The following YTHDF3 variants were observed in gnomAD, a reference collection of about 807,000 sequenced individuals.
The protein encoded by YTHDF3 is YTH domain-containing family protein 3.
Under a neutral mutation model 52.5 loss-of-function variants are expected in YTHDF3, and 9 were observed. The observed-to-expected ratio is 0.17, with a 90% CI of 0.10 to 0.30. The LOEUF (loss-of-function observed/expected upper bound fraction) is 0.30. Ranked by LOEUF, YTHDF3 falls within the 10% of genes least tolerant of loss-of-function variation. The pLI, the probability that YTHDF3 is intolerant of heterozygous loss-of-function variation, is 1.00. For missense variants in YTHDF3, 534 were observed against 715.0 expected (o/e 0.75, Z 2.89); for synonymous variants, 274 against 243.3 (o/e 1.13, Z -1.18).
chr8:63,185,347 G>T (rs1376954419), intron 3 of YTHDF3, among the ~76,000 whole-genome samples: 1 of 151,676 alleles, frequency 6.6e-6, no homozygotes, highest in Non-Finnish European at 1.5e-5. Context: ...TATAGTGAAG[G>T]TTGATTTAAT....
chr8:63,206,243 T>G (rs1003575623), intron 4 of YTHDF3, among the ~76,000 whole-genome samples: 1 of 151,974 alleles, frequency 6.6e-6, no homozygotes, highest in Non-Finnish European at 1.5e-5. Context: ...CCAGCTAATT[T>G]TGTGTTTTCA....
chr8:63,189,997 T>C (rs1808812060), intron 4 of YTHDF3, among the ~76,000 whole-genome samples: 1 of 152,206 alleles, frequency 6.6e-6, no homozygotes, highest in Non-Finnish European at 1.5e-5. Flanking sequence ...TTAAGTAAAG[T>C]GGTCATATTG....
rs544704997 is a variant in YTHDF3 at position 63,211,137 on chromosome 8, C to G, written c.*1431C>G. Reference sequence around the variant, plus strand: ...GTCTTTGGTCACTTCAGCTCAAAGACCTAGTGATGGATATTTCTTTGAGGC... The same window carrying G: ...GTCTTTGGTCACTTCAGCTCAAAGAGCTAGTGATGGATATTTCTTTGAGGC... On this transcript the variant is annotated 3_prime_UTR_variant, in exon 5 of 5. Coordinates refer to ENST00000539294, the MANE Select transcript of YTHDF3 (RefSeq NM_152758.6). 6.6e-6 allele frequency: 1 copy of G among 152,434 alleles called. No individual in the cohort carries two copies. The highest frequency in any genetic ancestry group is 2.1e-4 in the South Asian group (1 of 4,812). 9.4% of individuals were successfully genotyped at this position (152,434 alleles called of 1,614,324 possible). A position where few individuals can be genotyped will look rare whatever the true frequency, so the allele number is the denominator to read the frequency against.
In YTHDF3 at chr8:63,186,465, A is replaced by G; in HGVS notation, c.454A>G (p.Ser152Gly). The G allele has an allele frequency of 3.7e-6, 6 of 1,614,044 alleles. No homozygotes were observed. Among genetic ancestry groups the G allele is most frequent in the East Asian group, 2.2e-5 (1 of 44,886 alleles). The change falls in exon 4 of 5, where the codon AGT becomes GGT. Residue 152 changes from serine to glycine, a missense_variant. By Grantham distance (56) the Ser-to-Gly change is moderately conservative. Around this residue, in one of 3 missense-constraint regions of YTHDF3, gnomAD observed 196 missense variants for 299.5 expected, o/e 0.65. Transcript: ENST00000539294. ...QGQSTQSSAY[S>G]SSYGYPPSSL... The stretch of plus-strand genomic sequence containing the variant: ...ACAATCAACACAAAGTTCTGCTTAT[A>G]GTAGCAGTTATGGCTATCCACCTAG...
intron 1 of YTHDF3, 41 bp downstream of exon 1, chr8:63,168,942 C>T (rs1188587221): frequency 4.5e-6 from 7 of 1,547,236 alleles, no homozygotes; most frequent in South Asian, 1.2e-5. Context: ...AGGCCCGAGC[C>T]CCGGAGCTCC....
chr8:63,179,297 T>C (rs10110931), intron 3 of YTHDF3, among the ~76,000 whole-genome samples: 12,545 of 151,988 alleles, frequency 0.083, 839 homozygotes, highest in East Asian at 0.18. Flanking sequence ...AGGACAATAG[T>C]GCAGGGAAGG....
chr8:63,172,844 T>C lies in YTHDF3; in HGVS notation c.50-2487T>C, dbSNP rs529896209. On this transcript the variant is annotated intron_variant, in intron 2 of 4. Transcript: ENST00000539294. ...ACCCCTGAAGAAATTTTACAGACTA[T>C]GGAACTAGCTTGGATTTCATTTCTA... 267 of 1,216,316 alleles carry C rather than the reference T, an allele frequency of 2.2e-4. 1 individual carries two copies. The African/African-American group carries it at 3.9e-3, about 18-fold the overall frequency. The allele number at this position is 1,216,316 out of a possible 1,614,324, so 75.3% of individuals were successfully genotyped here.
chr8:63,189,616 A>C (rs1464696952), intron 4 of YTHDF3, among the ~76,000 whole-genome samples: 1 of 152,228 alleles, frequency 6.6e-6, no homozygotes, highest in Non-Finnish European at 1.5e-5. Flanking sequence ...AAGTGCTTCA[A>C]CATTCCTCAG....
intron 4 of YTHDF3, chr8:63,188,702 T>TATATATATA (rs71255383): frequency 2.5e-4 from 11 of 44,764 alleles, no homozygotes; most frequent in East Asian, 1.1e-3. Context: ...TATATATATA[T>TATATATATA]TTTTTTTTTT....
chr8:63,173,311 A>G (rs1807469417), intron 2 of YTHDF3, among the ~76,000 whole-genome samples: 1 of 149,972 alleles, frequency 6.7e-6, no homozygotes. Flanking sequence ...TGGCATAATC[A>G]TAGCTCAGTG....
At position 63,195,730 on chromosome 8, in the gene YTHDF3, A is replaced by ACG. The variant is rs774911136; in HGVS notation, c.1734+7986_1734+7987dup. Among the ~76,000 whole-genome samples the ACG allele has an allele frequency of 2.3e-3, 252 of 108,202 alleles. 1 individual carries two copies. Among genetic ancestry groups the ACG allele is most frequent in the African/African-American group, 8.7e-3 (241 of 27,610 alleles). The allele number at this position is 108,202 out of a possible 152,430, so 71.0% of individuals were successfully genotyped here. On this transcript the variant is annotated intron_variant, in intron 4 of 4. Coordinates refer to ENST00000539294, the MANE Select transcript of YTHDF3 (RefSeq NM_152758.6). Reference sequence around the variant, plus strand: ...GGCAACATAGTGAGACCATGTATTTACGTGTGTGTGTGTGTGTGTGTGTGT... The same window carrying ACG: ...GGCAACATAGTGAGACCATGTATTTACGCGTGTGTGTGTGTGTGTGTGTGTGT...
chr8:63,202,247 C>G (rs889652129), intron 4 of YTHDF3, among the ~76,000 whole-genome samples: 4 of 152,308 alleles, frequency 2.6e-5, no homozygotes, highest in Non-Finnish European at 5.9e-5. Flanking sequence ...CCCCTGATAA[C>G]TATATAGTTT....
At chr8:63,208,263 GA>G (rs1474415742) in intron 4 of YTHDF3, among the ~76,000 whole-genome samples, 3 of 152,108 alleles carry the variant, frequency 2.0e-5, no homozygotes, top group Non-Finnish European at 2.9e-5. Flanking sequence ...AAATAAAAAA[GA>G]AAGGACTTTT....
intron 3 of YTHDF3, among the ~76,000 whole-genome samples, chr8:63,185,888 AATACTC>A (rs1808465322): frequency 6.6e-6 from 1 of 152,228 alleles, no homozygotes; most frequent in Non-Finnish European, 1.5e-5. Context: ...AAACAAAAAT[AATACTC>A]ATTATACCCC....
intron 4 of YTHDF3, among the ~76,000 whole-genome samples, chr8:63,200,405 ATTTCTT>A (rs1419226728): frequency 1.3e-5 from 2 of 151,840 alleles, no homozygotes; most frequent in Non-Finnish European, 2.9e-5. Flanking sequence ...AAATTTTTAA[ATTTCTT>A]TTTCTTTTTT....
At chr8:63,183,932 C>T (rs917305776) in intron 3 of YTHDF3, among the ~76,000 whole-genome samples, 10 of 152,198 alleles carry the variant, frequency 6.6e-5, no homozygotes, top group African/African-American at 2.2e-4. Context: ...AACCTATGCA[C>T]ATCCTCCTGT....
intron 3 of YTHDF3, among the ~76,000 whole-genome samples, chr8:63,179,489 A>C (rs1807929952): frequency 6.6e-6 from 1 of 152,092 alleles, no homozygotes; most frequent in Non-Finnish European, 1.5e-5. Flanking sequence ...AATCCATTCA[A>C]CCCTGAGTGG....
intron 3 of YTHDF3, among the ~76,000 whole-genome samples, chr8:63,185,531 CT>C (rs919033576): frequency 6.6e-6 from 1 of 151,984 alleles, no homozygotes; most frequent in Non-Finnish European, 1.5e-5. Context: ...TGTTTTATGT[CT>C]TTTTTTGAAA....
At chr8:63,186,084 G>T in intron 3 of YTHDF3, 63 bp from the exon 4 acceptor site, 1 of 1,449,438 alleles carries the variant, frequency 6.9e-7, no homozygotes. Flanking sequence ...TAATCTTTCA[G>T]ATTTCTTTTT....
Sources: gnomAD v4.1 joint callset for allele counts (sites outside exome capture counted in the v4.1 genomes callset) on GRCh38, gnomAD v4.1.1 for gene constraint, gnomAD v4.1.1 regional missense constraint, MANE v1.5 for transcripts, NCBI Gene and HGNC (gene_info 2026-07-23, HGNC 2026-07-21) for gene names.